Variants in HDAC9 observed in about 807,000 individuals in gnomAD.
HDAC9 encodes the protein MEF-2 interacting transcription repressor (MITR) protein.
A neutral mutation model predicts 139.4 loss-of-function variants in HDAC9; 41 were observed. The ratio of observed to expected loss-of-function variants is 0.29; its 90% CI spans 0.23 to 0.38. The LOEUF (loss-of-function observed/expected upper bound fraction) is 0.38, where lower values mean the gene tolerates loss of function less well. HDAC9 is among the 10% of genes least tolerant of loss of function. The probability of loss-of-function intolerance (pLI) is 1.00; values close to 1 mark genes in which losing one functional copy is unlikely to be tolerated. For synonymous variants in HDAC9, 517 were observed against 476.2 expected, an observed-to-expected ratio of 1.09 and a Z score of -1.12; for missense variants, 1,147 against 1,297.0, an observed-to-expected ratio of 0.88 and a Z score of 1.78.
chr7:18,407,246 C>G (rs1788098383), intron 1 of HDAC9, among the ~76,000 whole-genome samples: 1 of 152,126 alleles, frequency 6.6e-6, no homozygotes, highest in Non-Finnish European at 1.5e-5. Flanking sequence ...TGCTCTATAT[C>G]TAGAAAAACT....
chr7:18,619,310 T>C (rs555767866), intron 6 of HDAC9, among the ~76,000 whole-genome samples: 4 of 152,276 alleles, frequency 2.6e-5, no homozygotes, highest in African/African-American at 9.6e-5. Context: ...TTCTCAACAA[T>C]ATTTGAGACT....
intron 2 of HDAC9, among the ~76,000 whole-genome samples, chr7:18,525,305 GA>G (rs1404499212): frequency 2.0e-5 from 3 of 151,818 alleles, no homozygotes; most frequent in Non-Finnish European, 4.4e-5. Flanking sequence ...AGTAACTGAT[GA>G]AAAAAATCTA....
chr7:18,382,033 T>C (rs960551516), intron 1 of HDAC9, among the ~76,000 whole-genome samples: 1 of 152,128 alleles, frequency 6.6e-6, no homozygotes, highest in African/African-American at 2.4e-5. Context: ...CTCAAAGTAG[T>C]CTGGAACTCC....
chr7:18,107,545 G>C (rs989439241), intron 1 of HDAC9, among the ~76,000 whole-genome samples: 9 of 151,740 alleles, frequency 5.9e-5, no homozygotes, highest in African/African-American at 2.2e-4. Flanking sequence ...CACACACACA[G>C]ACAGACACCT....
intron 2 of HDAC9, among the ~76,000 whole-genome samples, chr7:18,539,752 A>G (rs940992083): frequency 3.3e-5 from 5 of 152,064 alleles, no homozygotes; most frequent in African/African-American, 1.2e-4. Context: ...GCCAGGGGTT[A>G]GGGTACGGGG....
chr7:18,648,812 C>T, intron 11 of HDAC9, 129 bp downstream of exon 11: 1 of 769,480 alleles, frequency 1.3e-6, no homozygotes, highest in African/African-American at 1.7e-5. Context: ...CATCCTAAGC[C>T]TGCTTTCTTG....
chr7:18,486,161 G>A (rs1795958213), intron 1 of HDAC9, among the ~76,000 whole-genome samples: 1 of 151,998 alleles, frequency 6.6e-6, no homozygotes, highest in African/African-American at 2.4e-5. Flanking sequence ...ATTCCTGAAG[G>A]ACCTAATCAC....
At chr7:18,972,717 G>C (rs975268190) in intron 24 of HDAC9, among the ~76,000 whole-genome samples, 3 of 152,034 alleles carry the variant, frequency 2.0e-5, no homozygotes, top group African/African-American at 7.2e-5. Flanking sequence ...TCAATTAGCC[G>C]TGTCTCCAGT....
At chr7:18,476,857 C>CTGCA (rs1184745253) in intron 1 of HDAC9, among the ~76,000 whole-genome samples, 2 of 152,168 alleles carry the variant, frequency 1.3e-5, no homozygotes, top group Admixed American at 1.3e-4. Context: ...AAAGCAAAGC[C>CTGCA]TGCAGTTAGC....
intron 1 of HDAC9, among the ~76,000 whole-genome samples, chr7:18,134,681 C>G (rs1025460477): frequency 1.3e-5 from 2 of 152,124 alleles, no homozygotes; most frequent in Non-Finnish European, 2.9e-5. Context: ...AGTTCTCACC[C>G]TCATCTCCAT....
At chr7:18,891,601 C>T (rs1233616754) in intron 22 of HDAC9, among the ~76,000 whole-genome samples, 1 of 152,154 alleles carries the variant, frequency 6.6e-6, no homozygotes, top group Non-Finnish European at 1.5e-5. Context: ...GGTGGCAAGT[C>T]TGGCTTCTTA....
At chr7:18,807,750 T>C (rs1440227850) in intron 17 of HDAC9, among the ~76,000 whole-genome samples, 1 of 152,226 alleles carries the variant, frequency 6.6e-6, no homozygotes, top group Non-Finnish European at 1.5e-5. Context: ...CCTCTGGTTA[T>C]TGATTCCTAG....
intron 12 of HDAC9, among the ~76,000 whole-genome samples, chr7:18,710,402 C>T (rs1405301095): frequency 2.6e-5 from 4 of 152,132 alleles, no homozygotes; most frequent in Non-Finnish European, 4.4e-5. Flanking sequence ...TAAATGCAAG[C>T]TCCTAATTTT....
chr7:18,262,516 T>A (rs540659321), intron 2 of HDAC9, among the ~76,000 whole-genome samples: 2 of 152,172 alleles, frequency 1.3e-5, no homozygotes, highest in Non-Finnish European at 2.9e-5. Flanking sequence ...TAAAAGGGTA[T>A]TAGATCACAA....
At chr7:18,374,697 C>T (rs1455184722) in intron 1 of HDAC9, among the ~76,000 whole-genome samples, 1 of 151,822 alleles carries the variant, frequency 6.6e-6, no homozygotes, top group Non-Finnish European at 1.5e-5. Flanking sequence ...CTGGGTGTCT[C>T]CAGACCTCTT....
intron 24 of HDAC9, among the ~76,000 whole-genome samples, chr7:18,962,089 G>C (rs1291148095): frequency 6.6e-6 from 1 of 152,162 alleles, no homozygotes; most frequent in Non-Finnish European, 1.5e-5. Flanking sequence ...GTCCACTTTT[G>C]AGCCCCTTAT....
chr7:18,666,301 A>G lies in HDAC9; in HGVS notation c.1556A>G (p.Gln519Arg). ...GAGCTTCAGGGGGACCAGGCGATGC[A>G]GGAAGACAGAGCGCCCTCTAGTGGC... Reference protein sequence around the residue: ...EEELQGDQAMQEDRAPSSGNS... With the variant: ...EEELQGDQAMREDRAPSSGNS... Residue 519 changes from glutamine (Q) to arginine (R), a missense_variant, in exon 12 of 26, where the codon CAG (glutamine) becomes CGG (arginine). This residue lies in a region of HDAC9 where 256 missense variants were observed against 219.2 expected (regional missense o/e 1.17). Transcript: ENST00000686413. 1.9e-6 allele frequency: 3 copies of G among 1,613,532 alleles called. No homozygotes were observed. The highest frequency in any genetic ancestry group is 1.1e-5 in the South Asian group (1 of 91,084).
At chr7:18,748,659 G>T (rs1354208886) in intron 13 of HDAC9, among the ~76,000 whole-genome samples, 1 of 152,080 alleles carries the variant, frequency 6.6e-6, no homozygotes, top group Admixed American at 6.5e-5. Flanking sequence ...TAAATTATCT[G>T]CCTAAAAACA....
At chr7:18,170,735 T>C (rs537458767) in intron 2 of HDAC9, among the ~76,000 whole-genome samples, 133 of 152,344 alleles carry the variant, frequency 8.7e-4, no homozygotes, top group African/African-American at 3.2e-3. Context: ...TTGTCAGATT[T>C]GTCAAAGATC....
Sources: gnomAD v4.1 joint callset for allele counts (sites outside exome capture counted in the v4.1 genomes callset) on GRCh38, gnomAD v4.1.1 for gene constraint, gnomAD v4.1.1 regional missense constraint, MANE v1.5 for transcripts, NCBI Gene and HGNC (gene_info 2026-07-23, HGNC 2026-07-21) for gene names.